Variants in LRGUK observed in about 807,000 individuals in gnomAD.
LRGUK encodes the protein leucine rich repeats and guanylate kinase domain containing, also known as leucine-rich repeat and guanylate kinase domain-containing protein.
LRGUK carries 65 observed loss-of-function variants against 76.0 expected under a neutral mutation model. That is an observed-to-expected ratio of 0.85 (90% confidence interval 0.70 to 1.05). LRGUK has a LOEUF of 1.05. LRGUK is among the 50% of genes least tolerant of loss of function. LRGUK has a pLI of 0.00. For synonymous variants in LRGUK, 268 were observed against 265.6 expected (o/e 1.01, Z -0.09); for missense variants, 758 against 732.8 (o/e 1.03, Z -0.40).
chr7:134,186,316 C>A (rs1436209216), intron 11 of LRGUK, among the ~76,000 whole-genome samples: 2 of 152,122 alleles, frequency 1.3e-5, no homozygotes, highest in East Asian at 3.8e-4. Context: ...TTCATTGAAT[C>A]TTTTATTTCC....
At chr7:134,139,832 C>A (rs1227063327) in intron 3 of LRGUK, among the ~76,000 whole-genome samples, 1 of 151,774 alleles carries the variant, frequency 6.6e-6, no homozygotes, top group East Asian at 1.9e-4. Flanking sequence ...TTAATGATTT[C>A]TTTTCTTTTC....
At chr7:134,180,347 G>A (rs1799688970) in intron 10 of LRGUK, among the ~76,000 whole-genome samples, 1 of 151,282 alleles carries the variant, frequency 6.6e-6, no homozygotes. Flanking sequence ...CAATCTATTT[G>A]TACCTACCTG....
intron 16 of LRGUK, among the ~76,000 whole-genome samples, chr7:134,241,788 T>G (rs544253780): frequency 8.5e-4 from 130 of 152,266 alleles, no homozygotes; most frequent in Admixed American, 3.3e-3. Flanking sequence ...ATTCCAAAAT[T>G]GAACACATAG....
chr7:134,237,804 A>G (rs188129420), intron 16 of LRGUK, among the ~76,000 whole-genome samples: 54 of 152,326 alleles, frequency 3.5e-4, no homozygotes, highest in Admixed American at 2.8e-3. Flanking sequence ...AAATTCAGTT[A>G]GTATTTCCAA....
chr7:134,263,845 C>T (rs749362105), exon 20 of LRGUK: 1 of 1,605,532 alleles, frequency 6.2e-7, no homozygotes, highest in South Asian at 1.1e-5. Context: ...TGTTTTACAG[C>T]ACTACCTATA....
intron 18 of LRGUK, among the ~76,000 whole-genome samples, chr7:134,256,733 C>T (rs1285482779): frequency 6.6e-6 from 1 of 152,126 alleles, no homozygotes; most frequent in African/African-American, 2.4e-5. Context: ...ACTAAAATGG[C>T]ACTTCCTCAA....
intron 16 of LRGUK, among the ~76,000 whole-genome samples, chr7:134,240,484 G>T (rs1458215172): frequency 2.0e-5 from 3 of 152,012 alleles, no homozygotes; most frequent in Admixed American, 2.0e-4. Context: ...GAAATGAAGC[G>T]AGAAGAGAAG....
intron 7 of LRGUK, among the ~76,000 whole-genome samples, chr7:134,165,391 A>G (rs1423770743): frequency 6.6e-6 from 1 of 152,154 alleles, no homozygotes; most frequent in East Asian, 1.9e-4. Context: ...CAATGTTCTT[A>G]ACCTCTGCAG....
At chr7:134,171,641 G>T (rs1346957070) in intron 7 of LRGUK, among the ~76,000 whole-genome samples, 1 of 152,100 alleles carries the variant, frequency 6.6e-6, no homozygotes, top group Non-Finnish European at 1.5e-5. Context: ...GGCAAAGGAG[G>T]TGAGAGAATG....
rs1046767035 is a variant in LRGUK, at chr7:134,191,636, A to G, written c.1335-19A>G. ...TTTCAAGTTAGAAATGGACTAGGTG[A>G]TCTGTTTTATGATTTCAGGGCCTGT... On this transcript the variant is annotated intron_variant, in intron 11 of 15. Coordinates refer to ENST00000645682, the Ensembl canonical transcript of LRGUK. 3.3e-6 allele frequency: 5 copies of G among 1,509,086 alleles called. No homozygotes were observed. In the African/African-American group the frequency reaches 5.5e-5, roughly 17 times the overall value. 93.5% of individuals were successfully genotyped at this position (1,509,086 alleles called of 1,614,324 possible). A position where few individuals can be genotyped will look rare whatever the true frequency, so the allele number is the denominator to read the frequency against.
intron 6 of LRGUK, among the ~76,000 whole-genome samples, chr7:134,159,498 A>G (rs1160061495): frequency 6.6e-6 from 1 of 152,110 alleles, no homozygotes; most frequent in Non-Finnish European, 1.5e-5. Context: ...TGCTTTCTTA[A>G]AACTCTTCCA....
chr7:134,270,244 G>T, the LRGUK span, among the ~76,000 whole-genome samples: 2 of 152,102 alleles, frequency 1.3e-5, no homozygotes, highest in African/African-American at 4.8e-5. Context: ...CAGGTATCAA[G>T]ATTGATACAA....
chr7:134,209,480 G>A (rs1938220146), exon 16 of LRGUK: 1 of 398,920 alleles, frequency 2.5e-6, no homozygotes, highest in South Asian at 1.3e-4. Context: ...CTTAGCAACA[G>A]ATACCAAGCA....
intron 16 of LRGUK, among the ~76,000 whole-genome samples, chr7:134,225,344 C>T (rs1369582094): frequency 2.0e-5 from 3 of 152,118 alleles, no homozygotes; most frequent in Non-Finnish European, 4.4e-5. Context: ...TGAACTTTTA[C>T]ACCAGATTGC....
chr7:134,150,534 C>A (rs892918861), intron 5 of LRGUK, among the ~76,000 whole-genome samples: 1 of 151,340 alleles, frequency 6.6e-6, no homozygotes, highest in Admixed American at 6.6e-5. Flanking sequence ...AAGTCAGCAG[C>A]CCCTAAACTC....
intron 14 of LRGUK, among the ~76,000 whole-genome samples, chr7:134,200,292 C>T (rs560251721): frequency 2.0e-5 from 3 of 151,924 alleles, no homozygotes; most frequent in African/African-American, 7.2e-5. Flanking sequence ...CCTCCTCAGC[C>T]TCCCAAAGTG....
At chr7:134,189,122 G>A (rs1800092938) in intron 11 of LRGUK, among the ~76,000 whole-genome samples, 1 of 152,186 alleles carries the variant, frequency 6.6e-6, no homozygotes, top group African/African-American at 2.4e-5. Context: ...TAGGACCAGA[G>A]TTGGAGTCTG....
rs181392003 is a variant in LRGUK, at chr7:134,175,368, G to A, written c.1020+732G>A. Among the ~76,000 whole-genome samples, 44 of 152,236 alleles carry A rather than the reference G, an allele frequency of 2.9e-4. No individual in the cohort carries two copies. The East Asian group carries it at 8.5e-3, about 29-fold the overall frequency. On this transcript the variant is annotated intron_variant, in intron 8 of 15. Coordinates refer to ENST00000645682, the Ensembl canonical transcript of LRGUK. ...TTTTTGTTTGTATCTTGATGAACAT[G>A]TCTAGATAGGTGAAAAACAGAAAAT... is the stretch of plus-strand genomic sequence containing the variant.
At chr7:134,236,557 G>A (rs911980277) in intron 16 of LRGUK, among the ~76,000 whole-genome samples, 1 of 152,178 alleles carries the variant, frequency 6.6e-6, no homozygotes, top group African/African-American at 2.4e-5. Flanking sequence ...TTGGCAGTTG[G>A]ATCCAGAAGT....
Sources: allele counts gnomAD v4.1 joint callset (sites outside exome capture counted in the v4.1 genomes callset), GRCh38; gene constraint gnomAD v4.1.1; transcripts MANE v1.5; gene names NCBI Gene and HGNC (gene_info 2026-07-23, HGNC 2026-07-21).